ABCC9: variants seen among roughly 807,000 people sequenced by gnomAD.
ABCC9 encodes ATP-binding cassette sub-family C member 9.
ABCC9 carries 95 observed loss-of-function variants against 188.3 expected under a neutral mutation model. The observed-to-expected ratio is 0.50, with a 90% CI of 0.43 to 0.60. The LOEUF is 0.60. Ranked by LOEUF, ABCC9 falls within the 20% of genes least tolerant of loss-of-function variation. The probability of loss-of-function intolerance (pLI) is 0.00; values close to 1 mark genes in which losing one functional copy is unlikely to be tolerated. For missense variants in ABCC9, 1,102 were observed against 1,876.3 expected (o/e 0.59, Z 7.62); for synonymous variants, 659 against 652.7 (o/e 1.01, Z -0.15).
rs186126279 is a variant in ABCC9, at chr12:21,853,146, C to A, written c.2506-641G>T. Among the ~76,000 whole-genome samples the A allele has an allele frequency of 7.4e-4, 113 of 152,030 alleles. 1 individual carries two copies. The highest frequency in any genetic ancestry group is 2.5e-3 in the African/African-American group (103 of 41,474). ...CCTGGCCAACATGGTGAAGCCCTGTCCTACTAAAAACACAAAAATTAGCTG... is the reference window on the plus strand; with the variant it reads ...CCTGGCCAACATGGTGAAGCCCTGTACTACTAAAAACACAAAAATTAGCTG... On this transcript the variant is annotated intron_variant, in intron 22 of 39. Coordinates refer to ENST00000261200, the MANE Select transcript of ABCC9 (RefSeq NM_020297.4).
At chr12:21,936,739 A>G in intron 2 of ABCC9, 45 bp from the exon 3 acceptor site, 1 of 1,403,334 alleles carries the variant, frequency 7.1e-7, no homozygotes, top group East Asian at 2.3e-5. Flanking sequence ...TTATTAGTAA[A>G]CTCTTGTTCA....
At chr12:21,914,293 A>G (rs1188283472) in intron 7 of ABCC9, among the ~76,000 whole-genome samples, 1 of 152,170 alleles carries the variant, frequency 6.6e-6, no homozygotes, top group Non-Finnish European at 1.5e-5. Context: ...TAGAAAACAC[A>G]TCTACCACTG....
intron 23 of ABCC9, 44 bp from the exon 24 acceptor site, chr12:21,852,266 A>C: frequency 1.2e-6 from 2 of 1,613,628 alleles, no homozygotes; most frequent in Non-Finnish European, 1.7e-6. Flanking sequence ...AAAAGCCTTG[A>C]TTGGCAAAAT....
chr12:21,914,671 T>C (rs1948461118), intron 7 of ABCC9, among the ~76,000 whole-genome samples: 2 of 152,174 alleles, frequency 1.3e-5, no homozygotes. Flanking sequence ...GGATTAGTTA[T>C]ACATGATCAT....
intron 5 of ABCC9, chr12:21,924,859 C>T (rs1020647358): frequency 6.6e-6 from 1 of 152,004 alleles, no homozygotes; most frequent in East Asian, 1.9e-4. Flanking sequence ...AATGTGACAG[C>T]CTTTTAAATT....
At chr12:21,897,086 G>A (rs1947465895) in intron 12 of ABCC9, among the ~76,000 whole-genome samples, 1 of 152,128 alleles carries the variant, frequency 6.6e-6, no homozygotes, top group Non-Finnish European at 1.5e-5. Flanking sequence ...AGCATCTGTT[G>A]TTTCTTGACT....
chr12:21,923,910 T>A, intron 5 of ABCC9: 1 of 675,276 alleles, frequency 1.5e-6, no homozygotes, highest in Non-Finnish European at 2.7e-6. Flanking sequence ...TATGATATAG[T>A]TATACAATGA....
chr12:21,865,911 G>C (rs1025577507), intron 18 of ABCC9, among the ~76,000 whole-genome samples: 3 of 151,942 alleles, frequency 2.0e-5, no homozygotes, highest in African/African-American at 7.3e-5. Flanking sequence ...GGCTGAGACA[G>C]GTGGGGTAAA....
intron 18 of ABCC9, among the ~76,000 whole-genome samples, chr12:21,867,432 C>T (rs1374577987): frequency 6.6e-6 from 1 of 152,112 alleles, no homozygotes; most frequent in African/African-American, 2.4e-5. Context: ...CTTCTGAAAA[C>T]CTCTCCATGT....
chr12:21,846,270 A>G (rs1414676631), intron 25 of ABCC9, among the ~76,000 whole-genome samples: 9 of 152,206 alleles, frequency 5.9e-5, no homozygotes, highest in Non-Finnish European at 7.3e-5. Flanking sequence ...CATGCTGTCT[A>G]TGGCCCCAAG....
chr12:21,925,653 C>T, intron 5 of ABCC9: 1 of 638,550 alleles, frequency 1.6e-6, no homozygotes. Flanking sequence ...AGCCAGAAGG[C>T]CAGCCATATT....
At chr12:21,840,603 G>A (rs1380569711) in intron 29 of ABCC9, among the ~76,000 whole-genome samples, 1 of 152,136 alleles carries the variant, frequency 6.6e-6, no homozygotes, top group African/African-American at 2.4e-5. Context: ...GAGAAGGCAA[G>A]GACAGATTTG....
At chr12:21,860,188 C>G (rs749626467) in intron 21 of ABCC9, among the ~76,000 whole-genome samples, 4 of 151,960 alleles carry the variant, frequency 2.6e-5, no homozygotes, top group Non-Finnish European at 5.9e-5. Flanking sequence ...ATAGCAATTC[C>G]AAGATGTAGG....
intron 37 of ABCC9, 138 bp from the exon 38 acceptor site, chr12:21,807,617 G>T: frequency 8.5e-7 from 1 of 1,182,016 alleles, no homozygotes; most frequent in Non-Finnish European, 1.2e-6. Context: ...ACTTCATACT[G>T]GAACACAAAG....
At chr12:21,918,587 C>T (rs939346812) in intron 5 of ABCC9, among the ~76,000 whole-genome samples, 11 of 152,110 alleles carry the variant, frequency 7.2e-5, no homozygotes, top group Admixed American at 2.6e-4. Flanking sequence ...AACTGAGCAG[C>T]TTAAAACTGC....
chr12:21,910,442 C>T, intron 9 of ABCC9, 130 bp from the exon 10 acceptor site: 1 of 938,464 alleles, frequency 1.1e-6, no homozygotes, highest in Non-Finnish European at 1.6e-6. Context: ...TCTATAGGAT[C>T]ATCTTCTTAA....
chr12:21,893,222 A>G (rs1947255246), intron 14 of ABCC9, among the ~76,000 whole-genome samples: 1 of 152,144 alleles, frequency 6.6e-6, no homozygotes, highest in African/African-American at 2.4e-5. Flanking sequence ...ATAGCTGTGC[A>G]TTATGAGATA....
intron 30 of ABCC9, among the ~76,000 whole-genome samples, chr12:21,836,114 C>G (rs1944068700): frequency 6.6e-6 from 1 of 152,074 alleles, no homozygotes; most frequent in Non-Finnish European, 1.5e-5. Flanking sequence ...CTTATCCTGC[C>G]TTTGTAATCT....
At chr12:21,869,196 GAT>G (rs1014909218) in intron 18 of ABCC9, among the ~76,000 whole-genome samples, 1 of 152,158 alleles carries the variant, frequency 6.6e-6, no homozygotes, top group African/African-American at 2.4e-5. Context: ...CTCATAAAAA[GAT>G]AATTTTTAGG....
Sources: gnomAD v4.1 joint callset for allele counts (sites outside exome capture counted in the v4.1 genomes callset) on GRCh38, gnomAD v4.1.1 for gene constraint, MANE v1.5 for transcripts, NCBI Gene and HGNC (gene_info 2026-07-23, HGNC 2026-07-21) for gene names.